RALGAPA1: variants seen among roughly 807,000 people sequenced by gnomAD.
RALGAPA1 encodes Ral GTPase activating protein catalytic subunit alpha 1.
In RALGAPA1, 52 loss-of-function variants were observed where a neutral mutation model predicts 269.6. The observed-to-expected ratio is 0.19, with a 90% CI of 0.15 to 0.24. The LOEUF (loss-of-function observed/expected upper bound fraction) is 0.24. Ranked by LOEUF, RALGAPA1 falls within the 10% of genes least tolerant of loss-of-function variation. RALGAPA1 has a pLI of 1.00. For missense variants in RALGAPA1, 1,917 were observed against 3,013.9 expected (o/e 0.64, Z 8.52); for synonymous variants, 817 against 1,008.3 (o/e 0.81, Z 3.60).
chr14:35,640,006 T>C (rs996840013), intron 31 of RALGAPA1, among the ~76,000 whole-genome samples: 13 of 150,286 alleles, frequency 8.7e-5, no homozygotes, highest in African/African-American at 3.2e-4. Flanking sequence ...ATGAAGAGAT[T>C]AAGAAAAAAA....
intron 39 of RALGAPA1, among the ~76,000 whole-genome samples, chr14:35,558,667 A>G (rs1453002884): frequency 6.6e-6 from 1 of 152,198 alleles, no homozygotes; most frequent in Non-Finnish European, 1.5e-5. Context: ...GTTCTGCAAC[A>G]GCTATTTTTG....
At chr14:35,631,327 T>C (rs1294748448) in intron 33 of RALGAPA1, among the ~76,000 whole-genome samples, 3 of 152,144 alleles carry the variant, frequency 2.0e-5, no homozygotes, top group African/African-American at 7.2e-5. Context: ...TTATGAGATA[T>C]GGAAACAATG....
At chr14:35,672,497 G>T (rs1310782143) in intron 25 of RALGAPA1, among the ~76,000 whole-genome samples, 1 of 151,702 alleles carries the variant, frequency 6.6e-6, no homozygotes, top group Non-Finnish European at 1.5e-5. Flanking sequence ...TGCATAACTA[G>T]ATAAACGAAT....
intron 8 of RALGAPA1, 48 bp from the exon 9 acceptor site, chr14:35,750,738 T>A: frequency 6.8e-7 from 1 of 1,469,924 alleles, no homozygotes. Flanking sequence ...AAAGAAATTA[T>A]GTTTAGAAAA....
intron 35 of RALGAPA1, among the ~76,000 whole-genome samples, chr14:35,624,274 T>C (rs866088781): frequency 3.3e-5 from 5 of 150,172 alleles, no homozygotes; most frequent in Non-Finnish European, 7.4e-5. Context: ...ATATTTTCTG[T>C]AATAACCAAA....
intron 3 of RALGAPA1, among the ~76,000 whole-genome samples, chr14:35,772,365 G>C (rs1230569368): frequency 6.6e-6 from 1 of 152,142 alleles, no homozygotes; most frequent in Non-Finnish European, 1.5e-5. Context: ...CAGAGAGCAG[G>C]ATTTAAAATT....
At chr14:35,802,912 T>C (rs1351328070) in intron 1 of RALGAPA1, among the ~76,000 whole-genome samples, 1 of 152,042 alleles carries the variant, frequency 6.6e-6, no homozygotes, top group Non-Finnish European at 1.5e-5. Context: ...GGTCTCAAAC[T>C]CCTGGGCTCA....
chr14:35,558,538 G>A (rs2055852177), intron 39 of RALGAPA1, among the ~76,000 whole-genome samples: 1 of 152,166 alleles, frequency 6.6e-6, no homozygotes, highest in African/African-American at 2.4e-5. Flanking sequence ...ATAATGGCAT[G>A]TTAATAAGGA....
At chr14:35,713,747 T>C (rs970331640) in intron 16 of RALGAPA1, among the ~76,000 whole-genome samples, 6 of 152,140 alleles carry the variant, frequency 3.9e-5, no homozygotes, top group African/African-American at 1.4e-4. Flanking sequence ...TTCTTGAGAA[T>C]AGGAAATAAA....
chr14:35,587,829 G>T (rs1170492425), intron 37 of RALGAPA1, among the ~76,000 whole-genome samples: 1 of 152,114 alleles, frequency 6.6e-6, no homozygotes, highest in East Asian at 1.9e-4. Context: ...TAACAAAGCT[G>T]CACGTTGTGC....
chr14:35,677,490 TTTAAA>T, intron 22 of RALGAPA1: 1 of 154,014 alleles, frequency 6.5e-6, no homozygotes, highest in Non-Finnish European at 1.4e-5. Flanking sequence ...GACCTCTACT[TTTAAA>T]TTAAATTTAG....
chr14:35,647,064 T>C (rs192158230), intron 31 of RALGAPA1, among the ~76,000 whole-genome samples: 1 of 152,354 alleles, frequency 6.6e-6, no homozygotes, highest in Admixed American at 6.5e-5. Flanking sequence ...GTCTTGGCTC[T>C]GATATTTAGT....
intron 12 of RALGAPA1, among the ~76,000 whole-genome samples, chr14:35,732,050 T>C (rs550418960): frequency 5.6e-4 from 85 of 152,318 alleles, no homozygotes; most frequent in Middle Eastern, 6.8e-3. Flanking sequence ...GCAGAAACCC[T>C]ACAGGCTAGA....
intron 4 of RALGAPA1, among the ~76,000 whole-genome samples, chr14:35,763,479 C>T (rs2073889143): frequency 2.0e-5 from 3 of 151,772 alleles, no homozygotes; most frequent in Admixed American, 2.0e-4. Context: ...TTTATAAATC[C>T]ATAAAAAATA....
chr14:35,649,476 C>CT (rs77450075), intron 31 of RALGAPA1, among the ~76,000 whole-genome samples: 16,896 of 152,156 alleles, frequency 0.11, 1,560 homozygotes, highest in East Asian at 0.37. Context: ...AATCTGGCCC[C>CT]TTCCTATCTT....
At chr14:35,747,290 A>G (rs1011230988) in intron 10 of RALGAPA1, among the ~76,000 whole-genome samples, 2 of 152,266 alleles carry the variant, frequency 1.3e-5, no homozygotes, top group Non-Finnish European at 2.9e-5. Flanking sequence ...GAAAACAAAC[A>G]CAAGAAGAAA....
At chr14:35,635,249 G>A (rs771017991) in intron 32 of RALGAPA1, among the ~76,000 whole-genome samples, 13 of 152,026 alleles carry the variant, frequency 8.6e-5, no homozygotes, top group Non-Finnish European at 1.3e-4. Flanking sequence ...ATACTCATAT[G>A]TAACAATGAT....
chr14:35,612,370 CAAAAAA>C (rs1010725263), intron 35 of RALGAPA1, among the ~76,000 whole-genome samples: 1 of 63,322 alleles, frequency 1.6e-5, no homozygotes, highest in Non-Finnish European at 3.3e-5. Context: ...AACTCTGTTT[CAAAAAA>C]AAAAAAAAAA....
intron 38 of RALGAPA1, among the ~76,000 whole-genome samples, chr14:35,570,954 A>G (rs1330021403): frequency 2.0e-5 from 3 of 152,240 alleles, no homozygotes. Flanking sequence ...TGTCTATTCA[A>G]AAGAACTATG....
Sources: allele counts gnomAD v4.1 joint callset (sites outside exome capture counted in the v4.1 genomes callset), GRCh38; gene constraint gnomAD v4.1.1; transcripts MANE v1.5; gene names NCBI Gene and HGNC (gene_info 2026-07-23, HGNC 2026-07-21).